HDAC8: variants seen among roughly 807,000 people sequenced by gnomAD.
HDAC8 encodes the protein histone deacetylase 8, also known as histone deacetylase-like 1.
A neutral mutation model predicts 32.2 loss-of-function variants in HDAC8; 1 was observed. The observed-to-expected ratio is 0.03, with a 90% CI of 0.01 to 0.15. The LOEUF (loss-of-function observed/expected upper bound fraction) is 0.15. Among genes scored for constraint, HDAC8 ranks in the 10% least tolerant of loss-of-function variants. The probability of loss-of-function intolerance (pLI) is 1.00; values close to 1 mark genes in which losing one functional copy is unlikely to be tolerated. For synonymous variants in HDAC8, 108 were observed against 113.9 expected (o/e 0.95, Z 0.33); for missense variants, 117 against 300.0 (o/e 0.39, Z 4.51).
chrX:72,536,999 C>T (rs1439820871), intron 4 of HDAC8, among the ~76,000 whole-genome samples: 2 of 111,967 alleles, frequency 1.8e-5, no homozygotes, highest in East Asian at 5.6e-4. Context: ...TATCAACCTA[C>T]GCCTCCCAGA....
chrX:72,530,166 A>G (rs1556034936), intron 4 of HDAC8, among the ~76,000 whole-genome samples: 1 of 112,258 alleles, frequency 8.9e-6, no homozygotes, highest in East Asian at 2.8e-4. Flanking sequence ...AAATGCTCCA[A>G]GGAGCCACAG....
intron 9 of HDAC8, among the ~76,000 whole-genome samples, chrX:72,431,612 C>T (rs2046819633): frequency 9.1e-6 from 1 of 110,379 alleles, no homozygotes; most frequent in Non-Finnish European, 1.9e-5. Context: ...TTTTCTTTAC[C>T]GTCTATTCAC....
chrX:72,558,713 C>A (rs2051373181), intron 4 of HDAC8, among the ~76,000 whole-genome samples: 1 of 110,446 alleles, frequency 9.1e-6, no homozygotes, highest in Non-Finnish European at 1.9e-5. Flanking sequence ...CACTTCTATT[C>A]AACATAGTAC....
intron 4 of HDAC8, among the ~76,000 whole-genome samples, chrX:72,559,051 TC>T (rs1181448637): frequency 0.012 from 109 of 9,098 alleles, no homozygotes; most frequent in South Asian, 0.045. Context: ...CCCCTCCCCC[TC>T]CCCCCCTCCC....
At chrX:72,386,703 A>T (rs1261902231) in intron 9 of HDAC8, among the ~76,000 whole-genome samples, 2 of 111,647 alleles carry the variant, frequency 1.8e-5, no homozygotes, top group African/African-American at 6.5e-5. Context: ...AACAGATAAG[A>T]CACAGGTTAA....
chrX:72,413,238 A>G (rs1378974619), intron 9 of HDAC8, among the ~76,000 whole-genome samples: 56 of 107,382 alleles, frequency 5.2e-4, no homozygotes, highest in Non-Finnish European at 8.7e-4. Flanking sequence ...TTTAACATTA[A>G]GTATCTCTCC....
intron 9 of HDAC8, among the ~76,000 whole-genome samples, chrX:72,433,588 T>C (rs1555978147): frequency 1.8e-5 from 2 of 112,223 alleles, no homozygotes; most frequent in Admixed American, 9.4e-5. Context: ...TCTGAAATTA[T>C]ACCCAATATC....
intron 4 of HDAC8, among the ~76,000 whole-genome samples, chrX:72,546,252 T>C (rs1475025371): frequency 1.8e-5 from 2 of 111,191 alleles, no homozygotes; most frequent in Non-Finnish European, 3.8e-5. Context: ...TAGCATTCCA[T>C]GGGAGAGTAA....
At chrX:72,350,461 G>C (rs1402147280) in intron 10 of HDAC8, among the ~76,000 whole-genome samples, 6 of 111,295 alleles carry the variant, frequency 5.4e-5, no homozygotes, top group Admixed American at 4.8e-4. Context: ...CTCCAGCATA[G>C]AACAGGCCTC....
intron 5 of HDAC8, among the ~76,000 whole-genome samples, chrX:72,493,294 G>A (rs782213851): frequency 1.8e-5 from 2 of 111,475 alleles, no homozygotes; most frequent in Non-Finnish European, 3.8e-5. Context: ...AAGATGAGGT[G>A]AGACCTATTC....
intron 6 of HDAC8, 128 bp from the exon 7 acceptor site, chrX:72,489,169 G>A: frequency 2.1e-6 from 1 of 483,029 alleles, no homozygotes; most frequent in Admixed American, 3.2e-5. Context: ...AGTAAGTATT[G>A]TAAACAATCT....
intron 4 of HDAC8, among the ~76,000 whole-genome samples, chrX:72,501,519 G>GC (rs201011978): frequency 0.023 from 2,307 of 101,838 alleles, 66 homozygotes; most frequent in African/African-American, 0.073. Flanking sequence ...AAGCAATGGG[G>GC]GAAAGACTCC....
At chrX:72,549,541 T>C (rs1432403318) in intron 4 of HDAC8, among the ~76,000 whole-genome samples, 1 of 111,377 alleles carries the variant, frequency 9.0e-6, no homozygotes, top group East Asian at 2.8e-4. Flanking sequence ...TGAATTAGAA[T>C]CCGCATTTAA....
At chrX:72,375,229 C>A (rs938063876) in intron 9 of HDAC8, among the ~76,000 whole-genome samples, 4 of 109,759 alleles carry the variant, frequency 3.6e-5, no homozygotes, top group Non-Finnish European at 7.7e-5. Context: ...AATAGGATAT[C>A]TCTCTCTCTC....
intron 4 of HDAC8, among the ~76,000 whole-genome samples, chrX:72,509,175 A>G (rs1295454578): frequency 2.8e-5 from 3 of 108,640 alleles, no homozygotes; most frequent in Non-Finnish European, 3.8e-5. Flanking sequence ...ATCTCAGCTC[A>G]CCGCAACCTC....
chrX:72,345,164 A>G (rs1555946504), intron 10 of HDAC8, among the ~76,000 whole-genome samples: 1 of 111,704 alleles, frequency 9.0e-6, no homozygotes, highest in African/African-American at 3.3e-5. Context: ...GTTCAAAAAT[A>G]TATGTGTTGA....
At chrX:72,526,992 T>A (rs1556032546) in intron 4 of HDAC8, among the ~76,000 whole-genome samples, 1 of 111,611 alleles carries the variant, frequency 9.0e-6, no homozygotes, top group Non-Finnish European at 1.9e-5. Flanking sequence ...GTTATTTTTG[T>A]CAAAGAAAAA....
chrX:72,464,646 A>T lies in HDAC8; in HGVS notation c.823T>A (p.Cys275Ser). ...CCCACTGGAGTCATGTTAAAGGAGCACATGGGATCCCCAGCTATTGTGTCA... is the reference window on the plus strand; with the variant it reads ...CCCACTGGAGTCATGTTAAAGGAGCTCATGGGATCCCCAGCTATTGTGTCA... The part of the protein sequence containing the change: ...GADTIAGDPM[C>S]SFNMTPVGIG... Residue 275 changes from cysteine to serine, a missense_variant, in exon 8 of 11, where the codon TGC (cysteine) becomes AGC (serine). Cys to Ser is a moderately radical substitution (Grantham distance 112). Transcript: ENST00000373573. The T allele has an allele frequency of 8.3e-7, 1 of 1,205,018 alleles. No individual in the cohort carries two copies. Among genetic ancestry groups the T allele is most frequent in the Non-Finnish European group, 1.1e-6 (1 of 889,168 alleles).
chrX:72,559,513 G>A (rs868984699), intron 4 of HDAC8, among the ~76,000 whole-genome samples: 4 of 108,490 alleles, frequency 3.7e-5, no homozygotes, highest in South Asian at 8.1e-4. Flanking sequence ...AGTGAGGAGC[G>A]TCTCTGCCTG....
Sources: allele counts gnomAD v4.1 joint callset (sites outside exome capture counted in the v4.1 genomes callset), GRCh38; gene constraint gnomAD v4.1.1; transcripts MANE v1.5; gene names NCBI Gene and HGNC (gene_info 2026-07-23, HGNC 2026-07-21).